ADGRB3: variants seen among roughly 807,000 people sequenced by gnomAD.
ADGRB3 encodes adhesion G protein-coupled receptor B3, also known as brain-specific angiogenesis inhibitor 3.
In ADGRB3, 37 loss-of-function variants were observed where a neutral mutation model predicts 193.4. The observed-to-expected ratio is 0.19, with a 90% CI of 0.15 to 0.25. The LOEUF is 0.25. Among genes scored for constraint, ADGRB3 ranks in the 10% least tolerant of loss-of-function variants. The pLI is 1.00. For missense variants in ADGRB3, 1,637 were observed against 1,852.9 expected (o/e 0.88, Z 2.14); for synonymous variants, 690 against 644.2 (o/e 1.07, Z -1.08).
chr6:68,689,323 ACTC>A lies in ADGRB3; in HGVS notation c.757+49894_757+49896del, dbSNP rs139737388. Among the ~76,000 whole-genome samples the A allele has an allele frequency of 6.3e-4, 96 of 152,066 alleles. No homozygotes were observed. The East Asian group carries it at 7.4e-3, about 12-fold the overall frequency. ...ACTCCCTCAGACCCCACCACTTCAAACTCCTGTTGGAGCCTCCTGACTCTGGTT... is the reference window on the plus strand; with the variant it reads ...ACTCCCTCAGACCCCACCACTTCAAACTGTTGGAGCCTCCTGACTCTGGTT... On this transcript the variant is annotated intron_variant, in intron 3 of 31. Coordinates refer to ENST00000370598, the MANE Select transcript of ADGRB3 (RefSeq NM_001704.3).
intron 3 of ADGRB3, among the ~76,000 whole-genome samples, chr6:68,667,535 G>A (rs938217168): frequency 1.2e-4 from 18 of 151,996 alleles, no homozygotes; most frequent in African/African-American, 4.3e-4. Context: ...AGAATAATAT[G>A]TGTTTCAGAT....
intron 3 of ADGRB3, among the ~76,000 whole-genome samples, chr6:68,781,916 T>C (rs556214892): frequency 1.3e-5 from 2 of 152,222 alleles, no homozygotes; most frequent in African/African-American, 2.4e-5. Flanking sequence ...GAAGTGTAGG[T>C]AATAAACCTC....
Position 69,062,511 on chromosome 6 carries a change from T to C in ADGRB3, c.2334-423T>C, listed in dbSNP as rs572665124. On this transcript the variant is annotated intron_variant, in intron 15 of 31. Transcript: ENST00000370598. Reference sequence around the variant, plus strand: ...TTATTTATTGTAATGTGTTTTGGGATAATCCATAAAACACCAAGACAGCAC... The same window carrying C: ...TTATTTATTGTAATGTGTTTTGGGACAATCCATAAAACACCAAGACAGCAC... Among the ~76,000 whole-genome samples, 16 of 152,068 alleles carry C rather than the reference T, an allele frequency of 1.1e-4. No individual in the cohort carries two copies. The South Asian group carries it at 3.3e-3, about 32-fold the overall frequency.
At chr6:69,107,205 A>C (rs141894492) in intron 17 of ADGRB3, among the ~76,000 whole-genome samples, 4 of 98,452 alleles carry the variant, frequency 4.1e-5, no homozygotes, top group African/African-American at 1.2e-4. Flanking sequence ...ATTTCTTATT[A>C]ATTAGCCTTT....
intron 3 of ADGRB3, among the ~76,000 whole-genome samples, chr6:68,774,230 A>G (rs373662886): frequency 6.6e-6 from 1 of 151,944 alleles, no homozygotes; most frequent in African/African-American, 2.4e-5. Context: ...GATTCCTCAT[A>G]TTATCAAGTC....
intron 26 of ADGRB3, among the ~76,000 whole-genome samples, chr6:69,343,136 ATTTTATTTT>A (rs1263464944): frequency 1.0e-5 from 1 of 97,980 alleles, no homozygotes; most frequent in African/African-American, 4.6e-5. Context: ...AGCCTAATTT[ATTTTATTTT>A]TTTTATTTTT....
chr6:69,166,419 A>G (rs1353799873), intron 17 of ADGRB3, among the ~76,000 whole-genome samples: 1 of 152,148 alleles, frequency 6.6e-6, no homozygotes, highest in Non-Finnish European at 1.5e-5. Context: ...TAGTGCTTTC[A>G]AGAATCATCA....
At chr6:68,752,455 T>C (rs1030271206) in intron 3 of ADGRB3, among the ~76,000 whole-genome samples, 2 of 152,030 alleles carry the variant, frequency 1.3e-5, no homozygotes, top group Non-Finnish European at 2.9e-5. Flanking sequence ...TTTATATTTT[T>C]AGTAGAGATG....
chr6:68,725,178 C>T (rs1234105234), intron 3 of ADGRB3, among the ~76,000 whole-genome samples: 1 of 151,560 alleles, frequency 6.6e-6, no homozygotes, highest in Non-Finnish European at 1.5e-5. Flanking sequence ...TGTGCTCATC[C>T]CCTGGTTTGT....
At chr6:68,654,915 A>C (rs1768456419) in intron 3 of ADGRB3, among the ~76,000 whole-genome samples, 1 of 151,830 alleles carries the variant, frequency 6.6e-6, no homozygotes, top group Admixed American at 6.6e-5. Flanking sequence ...CAGAAATTAA[A>C]ATTTTATTTA....
chr6:69,257,550 A>G (rs762595636), intron 20 of ADGRB3, among the ~76,000 whole-genome samples: 1 of 152,214 alleles, frequency 6.6e-6, no homozygotes, highest in Non-Finnish European at 1.5e-5. Flanking sequence ...CTGTAAATAA[A>G]AAGATGATGT....
chr6:69,218,404 G>C (rs1299622520), intron 17 of ADGRB3, among the ~76,000 whole-genome samples: 1 of 152,122 alleles, frequency 6.6e-6, no homozygotes, highest in Non-Finnish European at 1.5e-5. Context: ...ACTTCAGCCT[G>C]TACTTTGACA....
At chr6:68,927,067 A>G (rs186035758) in intron 3 of ADGRB3, among the ~76,000 whole-genome samples, 47 of 152,304 alleles carry the variant, frequency 3.1e-4, no homozygotes, top group Admixed American at 8.5e-4. Flanking sequence ...TTTGGGTTTT[A>G]TACATGAACA....
chr6:68,742,194 A>G (rs1280128259), intron 3 of ADGRB3, among the ~76,000 whole-genome samples: 1 of 152,218 alleles, frequency 6.6e-6, no homozygotes, highest in African/African-American at 2.4e-5. Context: ...TCTTATCACA[A>G]GTCATTGCTA....
chr6:69,131,659 G>A (rs55863906), intron 17 of ADGRB3, among the ~76,000 whole-genome samples: 17,901 of 151,724 alleles, frequency 0.12, 1,121 homozygotes, highest in African/African-American at 0.13. Flanking sequence ...TAAGTTCTGG[G>A]ATACATGTGC....
At chr6:68,686,363 C>T (rs1303623407) in intron 3 of ADGRB3, among the ~76,000 whole-genome samples, 1 of 152,066 alleles carries the variant, frequency 6.6e-6, no homozygotes, top group Non-Finnish European at 1.5e-5. Flanking sequence ...TTGCCATGAC[C>T]TTTGCTCTTG....
At chr6:69,318,838 A>G (rs1448552993) in intron 20 of ADGRB3, among the ~76,000 whole-genome samples, 1 of 141,868 alleles carries the variant, frequency 7.0e-6, no homozygotes, top group East Asian at 2.0e-4. Flanking sequence ...GGGTGTGTGT[A>G]TATATATATA....
Position 69,005,407 on chromosome 6 carries a change from C to G in ADGRB3, c.1930-8631C>G, listed in dbSNP as rs544241090. Among the ~76,000 whole-genome samples, 30 of 151,760 alleles carry G rather than the reference C, an allele frequency of 2.0e-4. 1 individual carries two copies. Among genetic ancestry groups the G allele is most frequent in the Non-Finnish European group, 4.1e-4 (28 of 67,976 alleles). On this transcript the variant is annotated intron_variant, in intron 11 of 31. Transcript: ENST00000370598. Reference sequence around the variant, plus strand: ...TCCCCATCTGAGCTATTCTGAGACTCCACAAGTTAAACTCTCTTACATCAT... The same window carrying G: ...TCCCCATCTGAGCTATTCTGAGACTGCACAAGTTAAACTCTCTTACATCAT...
chr6:68,734,183 C>T (rs959316895), intron 3 of ADGRB3, among the ~76,000 whole-genome samples: 1 of 151,502 alleles, frequency 6.6e-6, no homozygotes, highest in Non-Finnish European at 1.5e-5. Flanking sequence ...TATTTTCATA[C>T]TATAAATAAA....
Sources: gnomAD v4.1 joint callset for allele counts (sites outside exome capture counted in the v4.1 genomes callset) on GRCh38, gnomAD v4.1.1 for gene constraint, MANE v1.5 for transcripts, NCBI Gene and HGNC (gene_info 2026-07-23, HGNC 2026-07-21) for gene names.